Variants in EZH2 observed in about 807,000 individuals in gnomAD.
The protein encoded by EZH2 is histone-lysine N-methyltransferase EZH2.
Under a neutral mutation model 98.4 loss-of-function variants are expected in EZH2, and 18 were observed. The observed-to-expected ratio is 0.18, with a 90% CI of 0.13 to 0.27. The LOEUF is 0.27. Among genes scored for constraint, EZH2 ranks in the 10% least tolerant of loss-of-function variants. The probability of loss-of-function intolerance (pLI) is 1.00; values close to 1 mark genes in which losing one functional copy is unlikely to be tolerated. For synonymous variants in EZH2, 338 were observed against 312.3 expected, an observed-to-expected ratio of 1.08 and a Z score of -0.87; for missense variants, 470 against 935.1, an observed-to-expected ratio of 0.50 and a Z score of 6.49.
At chr7:148,878,947 G>A (rs972148126) in intron 1 of EZH2, among the ~76,000 whole-genome samples, 6 of 151,858 alleles carry the variant, frequency 4.0e-5, no homozygotes, top group South Asian at 2.1e-4. Context: ...CAGGCCAGGC[G>A]TGCGCAGTAG....
At chr7:148,879,102 G>A (rs969280504) in intron 1 of EZH2, among the ~76,000 whole-genome samples, 9 of 150,630 alleles carry the variant, frequency 6.0e-5, no homozygotes, top group Non-Finnish European at 1.3e-4. Flanking sequence ...GTGCGTTCCC[G>A]TAATCCCAGC....
At chr7:148,809,667 A>C (rs1802486918) in intron 17 of EZH2, among the ~76,000 whole-genome samples, 1 of 151,864 alleles carries the variant, frequency 6.6e-6, no homozygotes, top group Admixed American at 6.5e-5. Context: ...CATAGCAAAA[A>C]AAAAAAAAAA....
intron 3 of EZH2, among the ~76,000 whole-genome samples, chr7:148,836,394 G>T (rs1006147810): frequency 1.3e-5 from 2 of 152,160 alleles, no homozygotes; most frequent in Non-Finnish European, 2.9e-5. Context: ...AAAAGCATTT[G>T]TTGGTGAAAA....
At chr7:148,818,175 G>C (rs1421070675) in intron 9 of EZH2, 58 bp from the exon 10 acceptor site, 8 of 1,478,588 alleles carry the variant, frequency 5.4e-6, no homozygotes, top group Non-Finnish European at 7.2e-6. Context: ...TTTGATGGAA[G>C]AGAAAAAAAA....
Position 148,858,216 on chromosome 7 carries a change from C to T in EZH2, c.-7-10911G>A, listed in dbSNP as rs185558215. On this transcript the variant is annotated intron_variant, in intron 1 of 19. Coordinates refer to ENST00000320356, the MANE Select transcript of EZH2 (RefSeq NM_004456.5). ...CTGAGGCAGGAGAATGGCGTGAACC[C>T]GGGAGGCAGAGCTTGCAATGAGCCT... Among the ~76,000 whole-genome samples the T allele has an allele frequency of 9.3e-3, 1,408 of 151,656 alleles. 17 individuals are homozygous for T. Among genetic ancestry groups the T allele is most frequent in the African/African-American group, 0.032 (1,332 of 41,370 alleles).
At chr7:148,867,875 C>T (rs1818768527) in intron 1 of EZH2, among the ~76,000 whole-genome samples, 1 of 152,228 alleles carries the variant, frequency 6.6e-6, no homozygotes, top group African/African-American at 2.4e-5. Flanking sequence ...CCCTAAACAT[C>T]TCAAGTTTAA....
At chr7:148,841,806 G>A (rs1002461016) in intron 3 of EZH2, among the ~76,000 whole-genome samples, 5 of 151,966 alleles carry the variant, frequency 3.3e-5, no homozygotes, top group South Asian at 4.1e-4. Context: ...CATGTAACAG[G>A]TATTTTTCTT....
chr7:148,840,095 G>A (rs1449558673), intron 3 of EZH2, among the ~76,000 whole-genome samples: 1 of 152,164 alleles, frequency 6.6e-6, no homozygotes, highest in Non-Finnish European at 1.5e-5. Flanking sequence ...TAAACAGCTG[G>A]TGGGGGTGTA....
At chr7:148,859,226 T>C (rs1238835336) in intron 1 of EZH2, among the ~76,000 whole-genome samples, 1 of 152,016 alleles carries the variant, frequency 6.6e-6, no homozygotes, top group Non-Finnish European at 1.5e-5. Context: ...AAACAAAGTG[T>C]CAGGTGCAGT....
chr7:148,869,929 A>G (rs1466915992), intron 1 of EZH2, among the ~76,000 whole-genome samples: 1 of 152,134 alleles, frequency 6.6e-6, no homozygotes, highest in South Asian at 2.1e-4. Context: ...GCCCTCCAAA[A>G]TATCTTCTTG....
chr7:148,807,780 CCTG>C (rs1801870617), intron 19 of EZH2, 74 bp from the exon 20 acceptor site: 1 of 886,074 alleles, frequency 1.1e-6, no homozygotes, highest in African/African-American at 1.7e-5. Flanking sequence ...CACAACAAAG[CCTG>C]CTGAAGATAG....
At chr7:148,840,528 A>G (rs927839335) in intron 3 of EZH2, among the ~76,000 whole-genome samples, 4 of 152,160 alleles carry the variant, frequency 2.6e-5, no homozygotes, top group African/African-American at 7.2e-5. Context: ...TGTTTTACCT[A>G]TTTCTGTGTT....
At chr7:148,830,995 C>T (rs558164925) in intron 4 of EZH2, among the ~76,000 whole-genome samples, 1 of 152,284 alleles carries the variant, frequency 6.6e-6, no homozygotes, top group South Asian at 2.1e-4. Context: ...GCAGAATGGA[C>T]TGGCTATGCC....
chr7:148,818,523 C>T (rs1805184334), intron 9 of EZH2, among the ~76,000 whole-genome samples: 1 of 152,162 alleles, frequency 6.6e-6, no homozygotes, highest in Admixed American at 6.5e-5. Flanking sequence ...ACCTAATGTG[C>T]ACGGAGTCAG....
intron 8 of EZH2, among the ~76,000 whole-genome samples, chr7:148,824,266 A>G (rs1167234376): frequency 6.6e-6 from 1 of 151,672 alleles, no homozygotes; most frequent in African/African-American, 2.4e-5. Flanking sequence ...AGCGAGCTGA[A>G]ATCACACCAC....
chr7:148,883,606 G>C (rs1450221549), intron 1 of EZH2: 1 of 147,832 alleles, frequency 6.8e-6, no homozygotes, highest in Admixed American at 6.7e-5. Flanking sequence ...GCAGCGGCCC[G>C]CGCCTCCCCA....
At chr7:148,810,072 C>T (rs1351295130) in intron 17 of EZH2, 21 of 361,706 alleles carry the variant, frequency 5.8e-5, no homozygotes, top group Non-Finnish European at 5.2e-6. Context: ...GCACAACGTC[C>T]CCTTCACAGC....
At chr7:148,878,938 A>G (rs1650083209) in intron 1 of EZH2, among the ~76,000 whole-genome samples, 1 of 151,892 alleles carries the variant, frequency 6.6e-6, no homozygotes, top group African/African-American at 2.4e-5. Context: ...AAAAGTATCC[A>G]GGCCAGGCGT....
chr7:148,859,232 G>A (rs963901372), intron 1 of EZH2, among the ~76,000 whole-genome samples: 1 of 152,176 alleles, frequency 6.6e-6, no homozygotes, highest in Non-Finnish European at 1.5e-5. Flanking sequence ...AGTGTCAGGT[G>A]CAGTAGCTCA....
Sources: allele counts gnomAD v4.1 joint callset (sites outside exome capture counted in the v4.1 genomes callset), GRCh38; gene constraint gnomAD v4.1.1; transcripts MANE v1.5; gene names NCBI Gene and HGNC (gene_info 2026-07-23, HGNC 2026-07-21).